The following ZNHIT6 variants were observed in gnomAD, a reference collection of about 807,000 sequenced individuals.
The protein encoded by ZNHIT6 is box C/D snoRNA protein 1.
Under a neutral mutation model 57.2 loss-of-function variants are expected in ZNHIT6, and 45 were observed. The ratio of observed to expected loss-of-function variants is 0.79; its 90% confidence interval spans 0.62 to 1.01. The LOEUF (loss-of-function observed/expected upper bound fraction) is 1.01. Among genes scored for constraint, ZNHIT6 ranks in the 50% least tolerant of loss-of-function variants. ZNHIT6 has a pLI of 0.00. For synonymous variants in ZNHIT6, 188 were observed against 190.0 expected (o/e 0.99, Z 0.09); for missense variants, 528 against 567.3 (o/e 0.93, Z 0.70).
chr1:85,680,720 A>C (rs1661848622), intron 6 of ZNHIT6, 116 bp downstream of exon 6: 1 of 691,406 alleles, frequency 1.4e-6, no homozygotes, highest in Non-Finnish European at 2.4e-6. Context: ...ATTTCATTGT[A>C]TAAATACACC....
Position 85,708,431 on chromosome 1 carries a change from A to G in ZNHIT6, c.-147T>C, listed in dbSNP as rs1447859800. ...AACCCGGAATAGCCTGCTTGACGCGACTGCTCGAATCGCCGTAAAGCTACG... is the reference window on the plus strand; with the variant it reads ...AACCCGGAATAGCCTGCTTGACGCGGCTGCTCGAATCGCCGTAAAGCTACG... On this transcript the variant is annotated 5_prime_UTR_variant, in exon 1 of 10. Coordinates refer to ENST00000370574, the MANE Select transcript of ZNHIT6 (RefSeq NM_017953.4). 4.0e-6 allele frequency: 4 copies of G among 1,012,092 alleles called. No homozygotes were observed. Among genetic ancestry groups the G allele is most frequent in the Non-Finnish European group, 5.6e-6 (4 of 709,450 alleles). 62.7% of individuals were successfully genotyped at this position (1,012,092 alleles called of 1,614,324 possible).
At chr1:85,665,636 C>T (rs60377914) in intron 8 of ZNHIT6, among the ~76,000 whole-genome samples, 1,576 of 152,042 alleles carry the variant, frequency 0.01, 24 homozygotes, top group African/African-American at 0.036. Context: ...ACTTTTTTCC[C>T]CTCTAATTAA....
intron 9 of ZNHIT6, among the ~76,000 whole-genome samples, chr1:85,656,587 TTTA>T (rs1280074671): frequency 6.6e-6 from 1 of 152,092 alleles, no homozygotes; most frequent in Non-Finnish European, 1.5e-5. Flanking sequence ...GCACTGTGAA[TTTA>T]TTAAGAAAAA....
intron 8 of ZNHIT6, among the ~76,000 whole-genome samples, chr1:85,659,982 T>A (rs969267324): frequency 2.6e-5 from 4 of 152,364 alleles, no homozygotes; most frequent in South Asian, 4.1e-4. Context: ...ATAGAATTCA[T>A]ACATTCTTTT....
chr1:85,670,732 T>C (rs1352693123), intron 8 of ZNHIT6, among the ~76,000 whole-genome samples: 1 of 152,198 alleles, frequency 6.6e-6, no homozygotes, highest in Non-Finnish European at 1.5e-5. Flanking sequence ...TTGCAGACAC[T>C]GGTAACTAAT....
At position 85,680,982 on chromosome 1, in the gene ZNHIT6, A is replaced by G; in HGVS notation, c.1020-78T>C. 4.7e-6 allele frequency: 5 copies of G among 1,064,184 alleles called. No homozygotes were observed. The South Asian group carries it at 7.6e-5, about 16-fold the overall frequency. 65.9% of individuals were successfully genotyped at this position (1,064,184 alleles called of 1,614,324 possible). A position where few individuals can be genotyped will look rare whatever the true frequency, so the allele number is the denominator to read the frequency against. ...TGCAAATTGAACTTTCTAAATTTTC[A>G]CTTTAAGATAATTCCAAAATTATTC... On this transcript the variant is annotated intron_variant, in intron 5 of 9. Coordinates refer to ENST00000370574, the MANE Select transcript of ZNHIT6 (RefSeq NM_017953.4).
chr1:85,684,754 G>GA (rs1183510001), intron 5 of ZNHIT6, among the ~76,000 whole-genome samples: 1 of 152,114 alleles, frequency 6.6e-6, no homozygotes, highest in Non-Finnish European at 1.5e-5. Context: ...ACAGTTTCAA[G>GA]AAAGTATGTG....
chr1:85,673,678 A>T (rs529009286), intron 8 of ZNHIT6, among the ~76,000 whole-genome samples: 2 of 152,008 alleles, frequency 1.3e-5, no homozygotes, highest in South Asian at 4.2e-4. Flanking sequence ...TAGAATGCTT[A>T]TCTTAAATTA....
At chr1:85,687,303 A>AAACAAC (rs1359796276) in intron 5 of ZNHIT6, among the ~76,000 whole-genome samples, 2 of 142,108 alleles carry the variant, frequency 1.4e-5, no homozygotes, top group East Asian at 4.3e-4. Flanking sequence ...AAAAAACAAA[A>AAACAAC]AAAAAAAACA....
chr1:85,688,550 C>A (rs1417131150), intron 5 of ZNHIT6, among the ~76,000 whole-genome samples: 1 of 152,150 alleles, frequency 6.6e-6, no homozygotes, highest in South Asian at 2.1e-4. Flanking sequence ...CGCAATCGTT[C>A]CCTACCTCTC....
intron 8 of ZNHIT6, among the ~76,000 whole-genome samples, chr1:85,668,104 T>C: frequency 6.6e-6 from 1 of 150,532 alleles, no homozygotes; most frequent in South Asian, 2.1e-4. Flanking sequence ...AAATGTAATG[T>C]AAAGTAAAAT....
At chr1:85,664,252 A>G (rs1021418139) in intron 8 of ZNHIT6, among the ~76,000 whole-genome samples, 2 of 151,964 alleles carry the variant, frequency 1.3e-5, no homozygotes, top group African/African-American at 2.4e-5. Flanking sequence ...CATTCCTTTC[A>G]TTCATTTTTC....
chr1:85,690,871 C>T (rs950775061), intron 5 of ZNHIT6, among the ~76,000 whole-genome samples: 2 of 152,068 alleles, frequency 1.3e-5, no homozygotes, highest in African/African-American at 4.8e-5. Context: ...ACTAAAAATA[C>T]AAAAATTAGC....
intron 8 of ZNHIT6, among the ~76,000 whole-genome samples, chr1:85,661,213 C>A (rs1399554900): frequency 6.6e-6 from 1 of 152,104 alleles, no homozygotes. Context: ...GAAGCAATAA[C>A]TTTTACTGGT....
At chr1:85,684,851 C>T (rs911146602) in intron 5 of ZNHIT6, among the ~76,000 whole-genome samples, 2 of 152,146 alleles carry the variant, frequency 1.3e-5, no homozygotes, top group East Asian at 1.9e-4. Context: ...TGCAAATTTT[C>T]GTATGGGGAA....
rs376403941 is a variant in ZNHIT6, at chr1:85,673,617, A to G, written c.1247+3619T>C. 2.0e-4 allele frequency among the ~76,000 whole-genome samples: 31 copies of G among 152,348 alleles called. No homozygotes were observed. In the South Asian group the frequency reaches 6.4e-3, roughly 32 times the overall value. ...AATTAAACAGCCACAAAGAAACTAC[A>G]TGTTTCTGATTTCTAAGCACTTTTC... On this transcript the variant is annotated intron_variant, in intron 8 of 9. Transcript: ENST00000370574.
chr1:85,678,450 T>A (rs894241703), intron 7 of ZNHIT6, among the ~76,000 whole-genome samples: 10 of 152,162 alleles, frequency 6.6e-5, no homozygotes, highest in Non-Finnish European at 1.5e-4. Flanking sequence ...ATAATAATAA[T>A]CTACTTTTCA....
chr1:85,684,125 A>G (rs902435517), intron 5 of ZNHIT6, among the ~76,000 whole-genome samples: 16 of 152,206 alleles, frequency 1.1e-4, no homozygotes, highest in Non-Finnish European at 2.9e-5. Flanking sequence ...TGGCATATCA[A>G]CGTTCTCAAA....
At chr1:85,660,387 T>C (rs1203964593) in intron 8 of ZNHIT6, among the ~76,000 whole-genome samples, 4 of 152,198 alleles carry the variant, frequency 2.6e-5, no homozygotes, top group African/African-American at 9.6e-5. Flanking sequence ...CAGTTTTTGG[T>C]AAATAATTTT....
Sources: allele counts gnomAD v4.1 joint callset (sites outside exome capture counted in the v4.1 genomes callset), GRCh38; gene constraint gnomAD v4.1.1; transcripts MANE v1.5; gene names NCBI Gene and HGNC (gene_info 2026-07-23, HGNC 2026-07-21).